ZNF836: variants seen among roughly 807,000 people sequenced by gnomAD.
ZNF836 encodes the protein zinc finger protein 836.
A neutral mutation model predicts 7.4 loss-of-function variants in ZNF836; 12 were observed. That is an observed-to-expected ratio of 1.61 (90% CI 1.03 to 2.61). The LOEUF (loss-of-function observed/expected upper bound fraction) is 2.61. Among genes scored for constraint, ZNF836 ranks in the 30% most tolerant of loss-of-function variants. The pLI is 0.00. For missense variants in ZNF836, 998 were observed against 1,126.2 expected (o/e 0.89, Z 1.63); for synonymous variants, 365 against 382.6 (o/e 0.95, Z 0.54).
At chr19:52,165,325 A>T (rs2089253484) in intron 3 of ZNF836, 1 of 152,240 alleles carries the variant, frequency 6.6e-6, no homozygotes, top group Admixed American at 6.5e-5. Context: ...ACAGGCAGCC[A>T]CGGTGACATT....
chr19:52,164,516 T>C (rs1269815111), intron 3 of ZNF836, among the ~76,000 whole-genome samples: 2 of 143,130 alleles, frequency 1.4e-5, no homozygotes, highest in African/African-American at 5.2e-5. Context: ...AAAGAAAGAC[T>C]AGAGCTAAAA....
intron 3 of ZNF836, among the ~76,000 whole-genome samples, chr19:52,164,464 G>GGAA (rs896050878): frequency 3.4e-5 from 4 of 118,044 alleles, no homozygotes; most frequent in African/African-American, 1.4e-4. Flanking sequence ...AAGGAAGGAA[G>GGAA]GAAGGAAGGA....
rs1307765142 is a variant in ZNF836, at chr19:52,160,530, T to A, written c.77A>T (p.Asp26Val). 6.8e-6 allele frequency: 11 copies of A among 1,614,024 alleles called. No homozygotes were observed. Among genetic ancestry groups the A allele is most frequent in the Non-Finnish European group, 9.3e-6 (11 of 1,179,988 alleles). ...CCAGTACAAAGCTTTCTGCACAGGG[T>A]CCAGGGATTTCCACTCCTCCTGAGA... ...EFSQEEWKSL[D>V]PVQKALYWDV... Residue 26 changes from aspartate (D) to valine (V), a missense_variant, in exon 4 of 5, where the codon GAC becomes GTC. Asp to Val is a radical substitution (Grantham distance 152). Transcript: ENST00000682614.
rs1056713510 is a variant in ZNF836, at chr19:52,169,740, C to A, written c.-173G>T. ...CCCAGGAGGTTGAGGCTGCAGTGAG[C>A]GGAGATCATGGCACTGTACTCTAGT... On this transcript the variant is annotated 5_prime_UTR_variant, in exon 2 of 5. Transcript: ENST00000682614. 1 of 149,348 alleles carries A rather than the reference C, an allele frequency of 6.7e-6. No individual in the cohort carries two copies. Among genetic ancestry groups the A allele is most frequent in the African/African-American group, 2.5e-5 (1 of 40,352 alleles). 9.3% of individuals were successfully genotyped at this position (149,348 alleles called of 1,614,324 possible).
chr19:52,166,714 C>T (rs1187654210), intron 3 of ZNF836, among the ~76,000 whole-genome samples: 1 of 151,580 alleles, frequency 6.6e-6, no homozygotes, highest in South Asian at 2.1e-4. Flanking sequence ...GCTGGGACTA[C>T]AGGCCCCCGC....
In ZNF836 at chr19:52,157,310, C is replaced by G; in HGVS notation, c.373G>C (p.Gly125Arg). The change falls in exon 5 of 5, where the codon GGT (glycine) becomes CGT (arginine). Residue 125 changes from glycine (G) to arginine (R), a missense_variant. By Grantham distance (125) the Gly-to-Arg change is moderately radical (BLOSUM62 -2). Transcript: ENST00000682614. ...TYKNNLNGKR[G>R]QHSQEDVENK... is the part of the protein sequence containing the mutation. ...TCTACATCCTCTTGACTATGTTGAC[C>G]TCTTTTACCATTAAGATTGTTTTTA... 6.2e-7 allele frequency: 1 copy of G among 1,604,108 alleles called. No individual in the cohort carries two copies. Among genetic ancestry groups the G allele is most frequent in the Non-Finnish European group, 8.5e-7 (1 of 1,175,678 alleles).
rs1344210409 is a variant in ZNF836, at chr19:52,155,248, C to G, written c.2435G>C (p.Gly812Ala). The change falls in exon 5 of 5, where the codon GGC (glycine) becomes GCC (alanine). Residue 812 changes from glycine (G) to alanine (A), a missense_variant. Physicochemically the swap from Gly to Ala is moderately conservative, Grantham distance 60 (BLOSUM62 0). Transcript: ENST00000682614. Reference sequence around the variant, plus strand: ...AATTGAACGCACTCTAAAGGCTTTGCCACACTCATTACACACGTAAGGTTT... The same window carrying G: ...AATTGAACGCACTCTAAAGGCTTTGGCACACTCATTACACACGTAAGGTTT... The part of the protein sequence containing the change: ...GEKPYVCNEC[G>A]KAFRVRSILV... 1 of 1,614,056 alleles carries G rather than the reference C, an allele frequency of 6.2e-7. No homozygotes were observed. The highest frequency in any genetic ancestry group is 8.5e-7 in the Non-Finnish European group (1 of 1,179,944).
At chr19:52,166,813 T>C (rs893556595) in intron 3 of ZNF836, among the ~76,000 whole-genome samples, 1 of 151,522 alleles carries the variant, frequency 6.6e-6, no homozygotes, top group African/African-American at 2.4e-5. Flanking sequence ...TCTCCTGACC[T>C]CGTGATCCGC....
intron 3 of ZNF836, 78 bp downstream of exon 3, chr19:52,167,980 A>T (rs2089280039): frequency 9.1e-7 from 1 of 1,104,936 alleles, no homozygotes; most frequent in East Asian, 2.4e-5. Context: ...CTTCAGACTC[A>T]GAGGAGATTC....
Position 52,156,015 on chromosome 19 carries a change from A to G in ZNF836, c.1668T>C (p.Cys556=). Reference sequence around the variant, plus strand: ...AATTGAAGACCTTGCCACACACATTACATTTGTAAGGTTGCTCCCCAGTAT... The same window carrying G: ...AATTGAAGACCTTGCCACACACATTGCATTTGTAAGGTTGCTCCCCAGTAT... The part of the protein sequence containing the change: ...RIHTGEQPYK[C]NVCGKVFNYS... Residue 556 remains cysteine, a synonymous_variant, in exon 5 of 5, where the codon TGT becomes TGC. Transcript: ENST00000682614. 1 of 1,614,068 alleles carries G rather than the reference A, an allele frequency of 6.2e-7. No individual in the cohort carries two copies. Among genetic ancestry groups the G allele is most frequent in the Non-Finnish European group, 8.5e-7 (1 of 1,179,912 alleles).
rs551974198 is a variant in ZNF836, at chr19:52,169,723, G to A, written c.-156C>T. 1 of 151,840 alleles carries A rather than the reference G, an allele frequency of 6.6e-6. No homozygotes were observed. Among genetic ancestry groups the A allele is most frequent in the South Asian group, 2.1e-4 (1 of 4,804 alleles). 9.4% of individuals were successfully genotyped at this position (151,840 alleles called of 1,614,324 possible). ...CAGAAAGACTGCTTGAGCCCAGGAG[G>A]TTGAGGCTGCAGTGAGCGGAGATCA... is the stretch of plus-strand genomic sequence containing the variant. On this transcript the variant is annotated 5_prime_UTR_variant, in exon 2 of 5. Coordinates refer to ENST00000682614, the MANE Select transcript of ZNF836 (RefSeq NM_001102657.3).
chr19:52,167,805 C>A (rs2089278840), intron 3 of ZNF836, among the ~76,000 whole-genome samples: 1 of 152,174 alleles, frequency 6.6e-6, no homozygotes. Flanking sequence ...GGGGCCCATA[C>A]CCCGTCTCCA....
Position 52,168,127 on chromosome 19 carries a change from T to C in ZNF836, c.-55A>G, listed in dbSNP as rs1279929141. 1.3e-6 allele frequency: 2 copies of C among 1,589,946 alleles called. No homozygotes were observed. Among genetic ancestry groups the C allele is most frequent in the Admixed American group, 3.8e-5 (2 of 53,284 alleles). ...TCTTCTGGGCTTCTCTCTCAGTCAA[T>C]ATAATTAATTCTTTACAAGTCAAAT... On this transcript the variant is annotated 5_prime_UTR_variant, in exon 3 of 5. In the 5' UTR this introduces an upstream ATG that the reference lacks. Coordinates refer to ENST00000682614, the MANE Select transcript of ZNF836 (RefSeq NM_001102657.3).
intron 3 of ZNF836, among the ~76,000 whole-genome samples, chr19:52,165,990 T>A (rs1382123191): frequency 6.6e-6 from 1 of 152,120 alleles, no homozygotes; most frequent in African/African-American, 2.4e-5. Context: ...GTCCTTTTTT[T>A]ATTTTTATTT....
chr19:52,163,866 A>C (rs1430361721), intron 3 of ZNF836, among the ~76,000 whole-genome samples: 1 of 152,128 alleles, frequency 6.6e-6, no homozygotes, highest in Non-Finnish European at 1.5e-5. Flanking sequence ...GAAACCAGCA[A>C]ACCTCTTCAA....
rs371240110 is a variant in ZNF836, at chr19:52,164,045, A to AAGGG, written c.16-3458_16-3455dup. Reference sequence around the variant, plus strand: ...GGAAAAGAAAAAGAAGGAAGGAAGGAAGGGAGGGAGGGAGGGAAGAACAAG... The same window carrying AAGGG: ...GGAAAAGAAAAAGAAGGAAGGAAGGAAGGGAGGGAGGGAGGGAGGGAAGAACAAG... On this transcript the variant is annotated intron_variant, in intron 3 of 4. Transcript: ENST00000682614. Among the ~76,000 whole-genome samples the AAGGG allele has an allele frequency of 1.6e-3, 234 of 144,462 alleles. 6 individuals are homozygous for AAGGG. The South Asian group carries it at 0.049, about 30-fold the overall frequency. The allele number at this position is 144,462 out of a possible 152,430, so 94.8% of individuals were successfully genotyped here. A position where few individuals can be genotyped will look rare whatever the true frequency, so the allele number is the denominator to read the frequency against.
rs1036034578 is a variant in ZNF836, at chr19:52,160,726, T to C, written c.16-135A>G. On this transcript the variant is annotated intron_variant, in intron 3 of 4. Coordinates refer to ENST00000682614, the MANE Select transcript of ZNF836 (RefSeq NM_001102657.3). ...TCCATGCAAGGCATCTGTGAGAAGG[T>C]TATGTGTCCCTAATTTAAGTTTGTT... The C allele has an allele frequency of 1.2e-4, 126 of 1,069,104 alleles. No homozygotes were observed. In the African/African-American group the frequency reaches 1.9e-3, roughly 16 times the overall value. The allele number at this position is 1,069,104 out of a possible 1,614,324, so 66.2% of individuals were successfully genotyped here.
Position 52,155,352 on chromosome 19 carries a change from A to T in ZNF836, c.2331T>A (p.Pro777=). The change falls in exon 5 of 5, where the codon CCT becomes CCA. Residue 777 remains proline (P), a synonymous_variant. Transcript: ENST00000682614. ...RHRRIHTGEK[P]YKCNECGKVF... Reference sequence around the variant, plus strand: ...CCTTGCCACATTCATTACATTTGTAAGGTTTCTCTCCAGTGTGAATTCTCC... The same window carrying T: ...CCTTGCCACATTCATTACATTTGTATGGTTTCTCTCCAGTGTGAATTCTCC... 1 of 1,613,880 alleles carries T rather than the reference A, an allele frequency of 6.2e-7. No individual in the cohort carries two copies. Among genetic ancestry groups the T allele is most frequent in the Non-Finnish European group, 8.5e-7 (1 of 1,179,966 alleles).
intron 4 of ZNF836, chr19:52,160,252 G>C: frequency 3.3e-6 from 2 of 614,092 alleles, no homozygotes; most frequent in Non-Finnish European, 5.7e-6. Flanking sequence ...TTCTACTAAG[G>C]GCACAGGACA....
Sources: allele counts gnomAD v4.1 joint callset (sites outside exome capture counted in the v4.1 genomes callset), GRCh38; gene constraint gnomAD v4.1.1; transcripts MANE v1.5; gene names NCBI Gene and HGNC (gene_info 2026-07-23, HGNC 2026-07-21).